EHBP1: variants seen among roughly 807,000 people sequenced by gnomAD.
EHBP1 encodes EH domain binding protein 1.
Under a neutral mutation model 144.0 loss-of-function variants are expected in EHBP1, and 55 were observed. That is an observed-to-expected ratio of 0.38 (90% confidence interval 0.31 to 0.48). The LOEUF (loss-of-function observed/expected upper bound fraction) is 0.48. Ranked by LOEUF, EHBP1 falls within the 20% of genes least tolerant of loss-of-function variation. The pLI is 0.98. For synonymous variants in EHBP1, 469 were observed against 472.7 expected, an observed-to-expected ratio of 0.99 and a Z score of 0.10; for missense variants, 1,200 against 1,364.2, an observed-to-expected ratio of 0.88 and a Z score of 1.90.
At chr2:62,719,263 C>A (rs1029264335) in intron 2 of EHBP1, among the ~76,000 whole-genome samples, 1 of 152,008 alleles carries the variant, frequency 6.6e-6, no homozygotes, top group Admixed American at 6.6e-5. Context: ...ACTGTGCCGA[C>A]CAGAATAATT....
intron 10 of EHBP1, among the ~76,000 whole-genome samples, chr2:62,900,813 TATACTC>T (rs904700720): frequency 6.6e-6 from 1 of 152,066 alleles, no homozygotes; most frequent in African/African-American, 2.4e-5. Flanking sequence ...TGTTTATATT[TATACTC>T]ATATTTTGCT....
chr2:62,941,932 T>C (rs2056778082), intron 10 of EHBP1, among the ~76,000 whole-genome samples: 1 of 152,122 alleles, frequency 6.6e-6, no homozygotes, highest in Non-Finnish European at 1.5e-5. Flanking sequence ...AATAAAACTT[T>C]AGAATAAAAT....
At chr2:62,807,902 G>A (rs2044640351) in intron 5 of EHBP1, among the ~76,000 whole-genome samples, 1 of 152,022 alleles carries the variant, frequency 6.6e-6, no homozygotes, top group Admixed American at 6.5e-5. Flanking sequence ...CTATAGATAA[G>A]GTGTTTATTT....
At chr2:62,868,165 A>C (rs2050185262) in intron 9 of EHBP1, among the ~76,000 whole-genome samples, 1 of 152,192 alleles carries the variant, frequency 6.6e-6, no homozygotes, top group Admixed American at 6.5e-5. Flanking sequence ...ACTTTAGGTC[A>C]GGAGTTCAAG....
intron 5 of EHBP1, among the ~76,000 whole-genome samples, chr2:62,799,102 T>C (rs575878231): frequency 3.3e-5 from 5 of 151,978 alleles, no homozygotes; most frequent in Non-Finnish European, 7.4e-5. Context: ...TAAGCTTTCA[T>C]ATTAGATACT....
intron 2 of EHBP1, among the ~76,000 whole-genome samples, chr2:62,740,921 G>T (rs1326642377): frequency 1.3e-5 from 2 of 152,014 alleles, no homozygotes; most frequent in East Asian, 3.8e-4. Flanking sequence ...AACTATTATT[G>T]TTATGTGTTT....
Position 62,764,303 on chromosome 2 carries a change from G to A in EHBP1, c.200G>A (p.Arg67His), listed in dbSNP as rs1306513625. Residue 67 changes from arginine (R) to histidine (H), a missense_variant, in exon 4 of 23, where the codon CGT becomes CAT. Around this residue, in one of 6 missense-constraint regions of EHBP1, gnomAD observed 137 missense variants for 190.1 expected, o/e 0.72. Transcript: ENST00000431489. ...SWQPGIKNPY[R>H]GVVVWPVPEN... is the part of the protein sequence containing the mutation. ...CAACCTGGAATAAAAAATCCCTATCGTGGTGTTGTTGTGTGGCCTGTTCCT... is the reference window on the plus strand; with the variant it reads ...CAACCTGGAATAAAAAATCCCTATCATGGTGTTGTTGTGTGGCCTGTTCCT... 20 of 1,579,576 alleles carry A rather than the reference G, an allele frequency of 1.3e-5. No homozygotes were observed. The highest frequency in any genetic ancestry group is 7.1e-5 in the East Asian group (3 of 41,998).
At chr2:62,916,563 A>G (rs1196497253) in intron 10 of EHBP1, among the ~76,000 whole-genome samples, 3 of 151,458 alleles carry the variant, frequency 2.0e-5, no homozygotes, top group Non-Finnish European at 4.4e-5. Flanking sequence ...ACTGCACACC[A>G]CCTTGGGCAA....
chr2:63,010,213 C>A (rs997192390), intron 19 of EHBP1, among the ~76,000 whole-genome samples: 1 of 151,228 alleles, frequency 6.6e-6, no homozygotes, highest in Admixed American at 6.6e-5. Context: ...TCTTAGAGAT[C>A]ATCTAGTATA....
intron 19 of EHBP1, among the ~76,000 whole-genome samples, chr2:63,033,659 A>G (rs983776397): frequency 2.6e-5 from 4 of 152,158 alleles, no homozygotes; most frequent in African/African-American, 9.6e-5. Flanking sequence ...CTGGTTTTTG[A>G]CATCACTTTT....
intron 14 of EHBP1, among the ~76,000 whole-genome samples, chr2:62,961,303 C>CT (rs948991174): frequency 3.3e-5 from 5 of 152,156 alleles, no homozygotes; most frequent in African/African-American, 1.2e-4. Context: ...CCTTTCAAGT[C>CT]TTTTTTCATG....
chr2:62,698,341 A>T (rs1266919534), intron 1 of EHBP1, among the ~76,000 whole-genome samples: 1 of 152,204 alleles, frequency 6.6e-6, no homozygotes, highest in African/African-American at 2.4e-5. Flanking sequence ...AGGTGCTCAC[A>T]CATTTTTGAA....
At chr2:62,817,761 C>T (rs768844704) in intron 5 of EHBP1, among the ~76,000 whole-genome samples, 3 of 151,804 alleles carry the variant, frequency 2.0e-5, no homozygotes, top group Non-Finnish European at 4.4e-5. Flanking sequence ...AGAGTGTGTG[C>T]GTGTTCAGAG....
At chr2:63,012,295 A>G (rs905219533) in intron 19 of EHBP1, among the ~76,000 whole-genome samples, 4 of 152,040 alleles carry the variant, frequency 2.6e-5, no homozygotes, top group Non-Finnish European at 5.9e-5. Flanking sequence ...AAATGATCCA[A>G]TCTCTTACTG....
At chr2:62,931,178 A>C (rs914613716) in intron 10 of EHBP1, among the ~76,000 whole-genome samples, 7 of 152,238 alleles carry the variant, frequency 4.6e-5, no homozygotes, top group African/African-American at 7.2e-5. Flanking sequence ...AAACTTAACC[A>C]AAAACCAAAC....
At chr2:62,855,582 C>A (rs980812560) in intron 7 of EHBP1, among the ~76,000 whole-genome samples, 8 of 152,122 alleles carry the variant, frequency 5.3e-5, no homozygotes, top group East Asian at 1.9e-4. Context: ...CCAGGCCGCC[C>A]ATGAACCAAT....
chr2:62,820,141 G>A (rs972785492), intron 5 of EHBP1, among the ~76,000 whole-genome samples: 2 of 150,550 alleles, frequency 1.3e-5, no homozygotes, highest in African/African-American at 2.4e-5. Flanking sequence ...AGCCCAGGAG[G>A]CAGATGTTGC....
intron 10 of EHBP1, among the ~76,000 whole-genome samples, chr2:62,875,392 C>T (rs1345959773): frequency 1.3e-5 from 2 of 152,160 alleles, no homozygotes; most frequent in African/African-American, 2.4e-5. Context: ...GCCTTGGCCC[C>T]CTGAAATAAT....
chr2:62,685,587 A>G (rs909496250), intron 1 of EHBP1, among the ~76,000 whole-genome samples: 1 of 152,324 alleles, frequency 6.6e-6, no homozygotes, highest in Non-Finnish European at 1.5e-5. Context: ...TACATCTGCA[A>G]CAACCCTATT....
Sources: allele counts gnomAD v4.1 joint callset (sites outside exome capture counted in the v4.1 genomes callset), GRCh38; gene constraint gnomAD v4.1.1; regional missense constraint gnomAD v4.1.1; transcripts MANE v1.5; gene names NCBI Gene and HGNC (gene_info 2026-07-23, HGNC 2026-07-21).